FBXW7: variants seen among roughly 807,000 people sequenced by gnomAD.
FBXW7 encodes F-box/WD repeat-containing protein 7.
Under a neutral mutation model 86.3 loss-of-function variants are expected in FBXW7, and 11 were observed. The ratio of observed to expected loss-of-function variants is 0.13; its 90% CI spans 0.08 to 0.21. FBXW7 has a LOEUF of 0.21. Ranked by LOEUF, FBXW7 falls within the 10% of genes least tolerant of loss-of-function variation. FBXW7 has a pLI of 1.00. For synonymous variants in FBXW7, 313 were observed against 297.9 expected, an observed-to-expected ratio of 1.05 and a Z score of -0.52; for missense variants, 488 against 847.4, an observed-to-expected ratio of 0.58 and a Z score of 5.27.
At chr4:152,502,028 TC>T (rs1747001212) in intron 2 of FBXW7, among the ~76,000 whole-genome samples, 1 of 152,184 alleles carries the variant, frequency 6.6e-6, no homozygotes, top group Non-Finnish European at 1.5e-5. Flanking sequence ...TTGGTACTGT[TC>T]CTATGACATC....
chr4:152,347,075 C>CAAAAAA lies in FBXW7; in HGVS notation c.585-10_585-5dup. 7.8e-7 allele frequency: 1 copy of CAAAAAA among 1,277,182 alleles called. No individual in the cohort carries two copies. Among genetic ancestry groups the CAAAAAA allele is most frequent in the Non-Finnish European group, 1.0e-6 (1 of 980,530 alleles). The allele number at this position is 1,277,182 out of a possible 1,614,324, so 79.1% of individuals were successfully genotyped here. On this transcript the variant is annotated splice_polypyrimidine_tract_variant and splice_region_variant and intron_variant, in intron 5 of 13. Transcript: ENST00000281708. ...ACATGGTACAAGCCCAGTGGTACTA[C>CAAAAAA]AAAAAAAAAAAAAAGAGAGAGAGAA...
At chr4:152,403,666 G>A (rs1432345166) in intron 4 of FBXW7, among the ~76,000 whole-genome samples, 2 of 151,918 alleles carry the variant, frequency 1.3e-5, no homozygotes, top group African/African-American at 4.8e-5. Context: ...TAGATCTCTC[G>A]CAAGCACAGT....
chr4:152,500,414 C>T (rs1746813499), intron 2 of FBXW7, among the ~76,000 whole-genome samples: 1 of 136,476 alleles, frequency 7.3e-6, no homozygotes, highest in African/African-American at 2.8e-5. Flanking sequence ...CAGCCAAATG[C>T]AAAAGCATGT....
chr4:152,434,021 T>C (rs1216956151), intron 2 of FBXW7, among the ~76,000 whole-genome samples: 1 of 152,204 alleles, frequency 6.6e-6, no homozygotes, highest in Non-Finnish European at 1.5e-5. Context: ...CAGCTCTCCA[T>C]ATCCACATAT....
intron 4 of FBXW7, among the ~76,000 whole-genome samples, chr4:152,381,647 A>G (rs550213518): frequency 1.3e-5 from 2 of 152,262 alleles, no homozygotes; most frequent in East Asian, 3.9e-4. Context: ...GTCTATATAT[A>G]AACCATATCG....
intron 4 of FBXW7, chr4:152,382,403 C>T (rs1297418163): frequency 7.5e-7 from 1 of 1,330,428 alleles, no homozygotes; most frequent in African/African-American, 1.5e-5. Flanking sequence ...AAAGCTCTAA[C>T]CACTAAATTT....
chr4:152,383,903 G>A lies in FBXW7; in HGVS notation c.501+27400C>T, dbSNP rs545460055. ...CAGATTTCTCCAAAGATATGTAAATGGTCAATAGGCACATGAAAAGATGCT... is the reference window on the plus strand; with the variant it reads ...CAGATTTCTCCAAAGATATGTAAATAGTCAATAGGCACATGAAAAGATGCT... On this transcript the variant is annotated intron_variant, in intron 4 of 13. Coordinates refer to ENST00000281708, the MANE Select transcript of FBXW7 (RefSeq NM_001349798.2). Among the ~76,000 whole-genome samples, 27 of 152,184 alleles carry A rather than the reference G, an allele frequency of 1.8e-4. No homozygotes were observed. In the East Asian group the frequency reaches 4.8e-3, roughly 27 times the overall value.
chr4:152,398,841 C>A (rs1736662226), intron 4 of FBXW7, among the ~76,000 whole-genome samples: 1 of 151,920 alleles, frequency 6.6e-6, no homozygotes, highest in Non-Finnish European at 1.5e-5. Flanking sequence ...GACCCACAAG[C>A]AGAAAAGAAT....
intron 4 of FBXW7, chr4:152,382,267 C>T (rs1230500928): frequency 1.2e-5 from 19 of 1,605,244 alleles, no homozygotes; most frequent in Non-Finnish European, 7.7e-6. Flanking sequence ...GTGGTAGAGG[C>T]TCTTTTGCAC....
At position 152,536,010 on chromosome 4, in the gene FBXW7, G is replaced by GCGGCAGCGGCA. The variant is rs1561015664; in HGVS notation, c.-1097_-1096insTGCCGCTGCCG. On this transcript the variant is annotated 5_prime_UTR_variant, in exon 1 of 14. Coordinates refer to ENST00000281708, the MANE Select transcript of FBXW7 (RefSeq NM_001349798.2). ...CGCTCTCAGTCTCAGCGGCGGCGGC[G>GCGGCAGCGGCA]GCGGCAGCGGCAGCGGCAGCGCCCG... The GCGGCAGCGGCA allele has an allele frequency of 3.5e-5, 8 of 225,478 alleles. No individual in the cohort carries two copies. Among genetic ancestry groups the GCGGCAGCGGCA allele is most frequent in the African/African-American group, 1.7e-4 (7 of 41,478 alleles). 14.0% of individuals were successfully genotyped at this position (225,478 alleles called of 1,614,324 possible). A position where few individuals can be genotyped will look rare whatever the true frequency, so the allele number is the denominator to read the frequency against.
chr4:152,408,020 A>T (rs1409190870), intron 4 of FBXW7, among the ~76,000 whole-genome samples: 2 of 152,158 alleles, frequency 1.3e-5, no homozygotes, highest in East Asian at 1.9e-4. Flanking sequence ...TTTTTGATAA[A>T]CATTTATTTC....
intron 2 of FBXW7, among the ~76,000 whole-genome samples, chr4:152,458,779 G>A (rs1378705746): frequency 6.6e-6 from 1 of 152,136 alleles, no homozygotes; most frequent in Non-Finnish European, 1.5e-5. Flanking sequence ...CTTGCAGTAT[G>A]GACACAAGAA....
chr4:152,532,404 T>C (rs1750103420), intron 2 of FBXW7, among the ~76,000 whole-genome samples: 1 of 152,230 alleles, frequency 6.6e-6, no homozygotes, highest in African/African-American at 2.4e-5. Context: ...TCCCCAGTCA[T>C]CTGAAATTAC....
At chr4:152,486,663 T>C (rs1745370648) in intron 2 of FBXW7, among the ~76,000 whole-genome samples, 1 of 151,846 alleles carries the variant, frequency 6.6e-6, no homozygotes, top group Non-Finnish European at 1.5e-5. Flanking sequence ...CTGGAGTACG[T>C]CCTGAAGGAA....
chr4:152,421,993 C>A (rs576628407), intron 2 of FBXW7, among the ~76,000 whole-genome samples: 23 of 151,704 alleles, frequency 1.5e-4, no homozygotes, highest in African/African-American at 5.3e-4. Flanking sequence ...CCAGAATTAC[C>A]AAAATGGGAC....
At chr4:152,432,312 A>G (rs1739969873) in intron 2 of FBXW7, among the ~76,000 whole-genome samples, 1 of 152,212 alleles carries the variant, frequency 6.6e-6, no homozygotes, top group South Asian at 2.1e-4. Flanking sequence ...GGGAAGTCCC[A>G]ACCAAGAAGA....
At chr4:152,516,860 T>C (rs1454883105) in intron 2 of FBXW7, among the ~76,000 whole-genome samples, 1 of 152,192 alleles carries the variant, frequency 6.6e-6, no homozygotes, top group African/African-American at 2.4e-5. Context: ...GGGTCTTATT[T>C]TGTCACCCAG....
chr4:152,343,725 A>T (rs1201088230), intron 6 of FBXW7, among the ~76,000 whole-genome samples: 1 of 152,188 alleles, frequency 6.6e-6, no homozygotes, highest in African/African-American at 2.4e-5. Context: ...AGCCAAAAAA[A>T]TGACCAACTC....
chr4:152,481,291 T>G (rs1213921778), intron 2 of FBXW7, among the ~76,000 whole-genome samples: 1 of 152,132 alleles, frequency 6.6e-6, no homozygotes. Flanking sequence ...CCGAATATTT[T>G]AAGTCCACTG....
Sources: gnomAD v4.1 joint callset for allele counts (sites outside exome capture counted in the v4.1 genomes callset) on GRCh38, gnomAD v4.1.1 for gene constraint, MANE v1.5 for transcripts, NCBI Gene and HGNC (gene_info 2026-07-23, HGNC 2026-07-21) for gene names.